The following PLCL1 variants were observed in gnomAD, a reference collection of about 807,000 sequenced individuals.
The protein encoded by PLCL1 is phospholipase C like 1 (inactive).
Under a neutral mutation model 84.4 loss-of-function variants are expected in PLCL1, and 41 were observed. The ratio of observed to expected loss-of-function variants is 0.49; its 90% confidence interval spans 0.38 to 0.63. The LOEUF is 0.63. Ranked by LOEUF, PLCL1 falls within the 30% of genes least tolerant of loss-of-function variation. The pLI is 0.00. For synonymous variants in PLCL1, 490 were observed against 488.3 expected (o/e 1.00, Z -0.05); for missense variants, 1,206 against 1,367.8 (o/e 0.88, Z 1.87).
intron 2 of PLCL1, 141 bp downstream of exon 2, chr2:198,086,373 C>A: frequency 1.6e-6 from 1 of 643,886 alleles, no homozygotes; most frequent in Non-Finnish European, 2.6e-6. Context: ...GTAATCCCAG[C>A]ACTTTGGGAG....
chr2:198,033,906 C>T (rs981064643), intron 1 of PLCL1, among the ~76,000 whole-genome samples: 3 of 120,414 alleles, frequency 2.5e-5, no homozygotes, highest in Non-Finnish European at 3.7e-5. Flanking sequence ...CCTGTCCTGC[C>T]TCGTGTTTCT....
intron 1 of PLCL1, among the ~76,000 whole-genome samples, chr2:198,050,532 A>T (rs528732119): frequency 1.4e-4 from 11 of 80,632 alleles, no homozygotes; most frequent in African/African-American, 2.3e-4. Context: ...TGAGATTGAT[A>T]AAAAAAAATA....
intron 1 of PLCL1, among the ~76,000 whole-genome samples, chr2:197,984,231 G>A (rs1156750808): frequency 2.6e-5 from 4 of 152,108 alleles, no homozygotes; most frequent in African/African-American, 9.7e-5. Context: ...GTAGCTAAAG[G>A]CGCATTACTG....
chr2:197,932,299 T>C (rs1467147114), intron 1 of PLCL1, among the ~76,000 whole-genome samples: 3 of 152,344 alleles, frequency 2.0e-5, no homozygotes, highest in Admixed American at 2.0e-4. Context: ...CTTTTTATAC[T>C]GCACTGAACA....
chr2:197,916,704 G>C (rs572660231), intron 1 of PLCL1, among the ~76,000 whole-genome samples: 1 of 151,726 alleles, frequency 6.6e-6, no homozygotes, highest in East Asian at 1.9e-4. Context: ...CCAAAAATAA[G>C]AGTGAAGGGA....
At chr2:198,016,413 G>A (rs955242135) in intron 1 of PLCL1, among the ~76,000 whole-genome samples, 5 of 152,120 alleles carry the variant, frequency 3.3e-5, no homozygotes, top group Admixed American at 3.3e-4. Context: ...GTCCCATGTG[G>A]CTGTCTTCCT....
chr2:197,805,192 G>A lies in PLCL1; in HGVS notation c.93G>A (p.Gly31=). Residue 31 remains glycine (G), a synonymous_variant, in exon 1 of 6, where the codon GGG becomes GGA. Transcript: ENST00000428675. The surrounding 1 kb of genome is among the most constrained non-coding windows in gnomAD (Gnocchi z 4.0). ...DDPRVGPDAA[G]DCVTAASGGR... ...CCCGAGTGGGCCCGGATGCCGCCGG[G>A]GACTGCGTGACGGCGGCCTCTGGGG... The A allele has an allele frequency of 1.6e-6, 2 of 1,280,332 alleles. No individual in the cohort carries two copies. Among genetic ancestry groups the A allele is most frequent in the South Asian group, 2.6e-5 (1 of 38,244 alleles). The allele number at this position is 1,280,332 out of a possible 1,614,324, so 79.3% of individuals were successfully genotyped here. A position where few individuals can be genotyped will look rare whatever the true frequency, so the allele number is the denominator to read the frequency against.
At chr2:198,090,440 T>G (rs1692996551) in intron 3 of PLCL1, among the ~76,000 whole-genome samples, 1 of 152,162 alleles carries the variant, frequency 6.6e-6, no homozygotes, top group Non-Finnish European at 1.5e-5. Flanking sequence ...ACTAATTTTA[T>G]AATTGCATAA....
intron 5 of PLCL1, among the ~76,000 whole-genome samples, chr2:198,135,222 C>T (rs1469999284): frequency 6.6e-6 from 1 of 152,096 alleles, no homozygotes; most frequent in East Asian, 1.9e-4. Flanking sequence ...ATTCAGATCT[C>T]AGGGTCATTT....
intron 5 of PLCL1, among the ~76,000 whole-genome samples, chr2:198,134,326 T>C (rs546857306): frequency 6.6e-6 from 1 of 152,226 alleles, no homozygotes; most frequent in Admixed American, 6.5e-5. Flanking sequence ...ATCTCATTAA[T>C]GACCAAATCT....
intron 1 of PLCL1, among the ~76,000 whole-genome samples, chr2:198,052,853 A>G (rs1364482672): frequency 6.6e-6 from 1 of 152,152 alleles, no homozygotes; most frequent in Non-Finnish European, 1.5e-5. Flanking sequence ...AAATAAAATG[A>G]GGTACCTCCC....
chr2:197,874,353 C>G (rs965743198), intron 1 of PLCL1, among the ~76,000 whole-genome samples: 192 of 151,958 alleles, frequency 1.3e-3, no homozygotes, highest in African/African-American at 4.5e-3. Context: ...AGTTTAGAAG[C>G]TTTGGAATAT....
At chr2:198,011,900 CT>C (rs1690876833) in intron 1 of PLCL1, among the ~76,000 whole-genome samples, 1 of 152,068 alleles carries the variant, frequency 6.6e-6, no homozygotes, top group African/African-American at 2.4e-5. Flanking sequence ...CTAATGTCTA[CT>C]TTGTTTGATA....
chr2:197,882,654 T>C (rs906043184), intron 1 of PLCL1, among the ~76,000 whole-genome samples: 2 of 152,188 alleles, frequency 1.3e-5, no homozygotes, highest in Admixed American at 1.3e-4. Flanking sequence ...ATAGTCTGCA[T>C]ACCACAAATA....
rs117766696 is a variant in PLCL1, at chr2:197,825,031, C to T, written c.240+19692C>T. ...TTTTTCTGCAGGTTTTTTGACCAAGCATGCTGAAAATCAGAGGTGTCTCTG... is the reference window on the plus strand; with the variant it reads ...TTTTTCTGCAGGTTTTTTGACCAAGTATGCTGAAAATCAGAGGTGTCTCTG... On this transcript the variant is annotated intron_variant, in intron 1 of 5. Coordinates refer to ENST00000428675, the MANE Select transcript of PLCL1 (RefSeq NM_006226.4). 2.7e-3 allele frequency among the ~76,000 whole-genome samples: 410 copies of T among 152,134 alleles called. 8 individuals carry two copies. The East Asian group carries it at 0.065, about 24-fold the overall frequency.
intron 5 of PLCL1, among the ~76,000 whole-genome samples, chr2:198,137,900 C>A (rs969497958): frequency 1.3e-5 from 2 of 152,140 alleles, no homozygotes; most frequent in African/African-American, 4.8e-5. Context: ...AGAGTCCAGC[C>A]TGGTGATTCT....
Position 197,880,363 on chromosome 2 carries a change from T to C in PLCL1, c.240+75024T>C, listed in dbSNP as rs1310003781. On this transcript the variant is annotated intron_variant, in intron 1 of 5. Transcript: ENST00000428675. Reference sequence around the variant, plus strand: ...AAATTTTTAGAAATATGTTTGAATGTTCTGAGTACAGACTATATTACTTCT... The same window carrying C: ...AAATTTTTAGAAATATGTTTGAATGCTCTGAGTACAGACTATATTACTTCT... Among the ~76,000 whole-genome samples the C allele has an allele frequency of 6.6e-5, 10 of 152,298 alleles. No homozygotes were observed. The South Asian group carries it at 2.1e-3, about 32-fold the overall frequency.
At chr2:198,041,664 G>A (rs1289306093) in intron 1 of PLCL1, among the ~76,000 whole-genome samples, 1 of 152,150 alleles carries the variant, frequency 6.6e-6, no homozygotes, top group African/African-American at 2.4e-5. Flanking sequence ...TCTCCTGGAA[G>A]TAAATACTGA....
intron 1 of PLCL1, among the ~76,000 whole-genome samples, chr2:197,828,751 C>T (rs949051983): frequency 1.3e-5 from 2 of 152,028 alleles, no homozygotes; most frequent in Non-Finnish European, 2.9e-5. Context: ...TGGGTAAAAG[C>T]AAATACTAAA....
Sources: allele counts gnomAD v4.1 joint callset (sites outside exome capture counted in the v4.1 genomes callset), GRCh38; gene constraint gnomAD v4.1.1; non-coding constraint Gnocchi (gnomAD v3.1); transcripts MANE v1.5; gene names NCBI Gene and HGNC (gene_info 2026-07-23, HGNC 2026-07-21).